The following GPT2 variants were observed in gnomAD, a reference collection of about 807,000 sequenced individuals.
GPT2 encodes alanine aminotransferase 2.
In GPT2, 30 loss-of-function variants were observed where a neutral mutation model predicts 56.9. That is an observed-to-expected ratio of 0.53 (90% CI 0.39 to 0.72). GPT2 has a LOEUF of 0.72. Ranked by LOEUF, GPT2 falls within the 30% of genes least tolerant of loss-of-function variation. The probability of loss-of-function intolerance (pLI) is 0.00; values close to 1 mark genes in which losing one functional copy is unlikely to be tolerated. For missense variants in GPT2, 542 were observed against 703.4 expected, an observed-to-expected ratio of 0.77 and a Z score of 2.60; for synonymous variants, 271 against 283.1, an observed-to-expected ratio of 0.96 and a Z score of 0.43.
chr16:46,897,191 A>T (rs371240294), intron 2 of GPT2, among the ~76,000 whole-genome samples: 13 of 152,340 alleles, frequency 8.5e-5, no homozygotes, highest in East Asian at 7.7e-4. Flanking sequence ...CCTGGCCAAC[A>T]CGTTGAAATC....
At chr16:46,910,380 CAAA>C (rs4039999) in intron 6 of GPT2, among the ~76,000 whole-genome samples, 14 of 46,476 alleles carry the variant, frequency 3.0e-4, no homozygotes, top group Admixed American at 2.2e-3. Flanking sequence ...GACTCTGTCT[CAAA>C]AAAAAAAAAA....
At chr16:46,885,748 G>A (rs1444093874) in intron 2 of GPT2, among the ~76,000 whole-genome samples, 2 of 152,066 alleles carry the variant, frequency 1.3e-5, no homozygotes, top group Non-Finnish European at 2.9e-5. Context: ...GGATGTCTGG[G>A]GTGGGTGATA....
intron 2 of GPT2, 147 bp from the exon 3 acceptor site, chr16:46,897,501 C>T: frequency 3.1e-6 from 2 of 647,112 alleles, no homozygotes; most frequent in Non-Finnish European, 5.5e-6. Flanking sequence ...TGAGACCAGG[C>T]ATGTCAAAGG....
rs1961506559 is a variant in GPT2, at chr16:46,929,987, T to G, written c.*990T>G. The stretch of plus-strand genomic sequence containing the variant: ...GCCGAGCAGCCAAGGCCCTGTCCTT[T>G]CTTGAATGGTGGCGAGCTGAATCTG... On this transcript the variant is annotated 3_prime_UTR_variant, in exon 12 of 12. Coordinates refer to ENST00000340124, the MANE Select transcript of GPT2 (RefSeq NM_133443.4). 6.5e-6 allele frequency: 1 copy of G among 152,806 alleles called. No homozygotes were observed. 9.5% of individuals were successfully genotyped at this position (152,806 alleles called of 1,614,324 possible).
chr16:46,884,813 C>G lies in GPT2; in HGVS notation c.98C>G (p.Ala33Gly). 6.5e-7 allele frequency: 1 copy of G among 1,528,926 alleles called. No homozygotes were observed. The highest frequency in any genetic ancestry group is 8.8e-7 in the Non-Finnish European group (1 of 1,138,400). The allele number at this position is 1,528,926 out of a possible 1,614,324, so 94.7% of individuals were successfully genotyped here. A position where few individuals can be genotyped will look rare whatever the true frequency, so the allele number is the denominator to read the frequency against. ...AGCAGCGCGGCCGCCGAGGCCTCGG[C>G]GGTGCTCAAGGTGCGGCCCGAGCGC... ...SQSSAAAEAS[A>G]VLKVRPERSR... The change falls in exon 2 of 12, where the codon GCG becomes GGG. Residue 33 changes from alanine to glycine, a missense_variant. Physicochemically the swap from Ala to Gly is moderately conservative, Grantham distance 60. Transcript: ENST00000340124.
chr16:46,895,331 C>T (rs1960665546), intron 2 of GPT2, among the ~76,000 whole-genome samples: 1 of 152,038 alleles, frequency 6.6e-6, no homozygotes, highest in Non-Finnish European at 1.5e-5. Flanking sequence ...TCAAGACCAG[C>T]TTGGGAAACA....
At chr16:46,927,107 G>A (rs1961433446) in intron 11 of GPT2, 70 bp downstream of exon 11, 3 of 946,906 alleles carry the variant, frequency 3.2e-6, no homozygotes, top group Non-Finnish European at 4.8e-6. Context: ...TCTTGACATG[G>A]AGCAGAGGAC....
At position 46,909,821 on chromosome 16, in the gene GPT2, G is replaced by C; in HGVS notation, c.714G>C (p.Glu238Asp). Residue 238 changes from glutamate to aspartate, a missense_variant, in exon 6 of 12, where the codon GAG (glutamate) becomes GAC (aspartate). Physicochemically the swap from Glu to Asp is conservative, Grantham distance 45 (BLOSUM62 2). Coordinates refer to ENST00000340124, the MANE Select transcript of GPT2 (RefSeq NM_133443.4). Reference protein sequence around the residue: ...AIQVNYYLDEENCWALNVNEL... With the variant: ...AIQVNYYLDEDNCWALNVNEL... ...AGGTGAATTACTACCTGGACGAGGAGAACTGCTGGGCGCTGAATGTGAATG... is the reference window on the plus strand; with the variant it reads ...AGGTGAATTACTACCTGGACGAGGACAACTGCTGGGCGCTGAATGTGAATG... 1 of 1,614,184 alleles carries C rather than the reference G, an allele frequency of 6.2e-7. No individual in the cohort carries two copies. The highest frequency in any genetic ancestry group is 8.5e-7 in the Non-Finnish European group (1 of 1,180,034).
At chr16:46,928,164 A>G (rs1031401698) in intron 11 of GPT2, among the ~76,000 whole-genome samples, 1 of 151,960 alleles carries the variant, frequency 6.6e-6, no homozygotes, top group Non-Finnish European at 1.5e-5. Context: ...GTCTCTACAA[A>G]AAATTGTTTA....
At chr16:46,924,612 T>C in intron 10 of GPT2, 68 bp downstream of exon 10, 1 of 1,551,492 alleles carries the variant, frequency 6.4e-7, no homozygotes, top group Non-Finnish European at 8.8e-7. Flanking sequence ...TGGGGGCCCC[T>C]GCTTATCTTG....
At chr16:46,895,497 T>C (rs1901391) in intron 2 of GPT2, among the ~76,000 whole-genome samples, 150,499 of 151,832 alleles carry the variant, frequency 0.99, 74,595 homozygotes, top group Middle Eastern at 1. Context: ...TGCACTCCAG[T>C]CTGGGTGACA....
intron 4 of GPT2, among the ~76,000 whole-genome samples, chr16:46,904,880 A>C (rs1378973572): frequency 6.6e-6 from 1 of 152,166 alleles, no homozygotes; most frequent in Non-Finnish European, 1.5e-5. Context: ...AATACTCCAA[A>C]TGTATTAGAA....
intron 6 of GPT2, among the ~76,000 whole-genome samples, chr16:46,914,158 T>G (rs1961097524): frequency 6.6e-6 from 1 of 152,188 alleles, no homozygotes; most frequent in Non-Finnish European, 1.5e-5. Context: ...CATTTCTACC[T>G]CGTTGCGTTT....
At chr16:46,903,893 G>C (rs1255162101) in intron 4 of GPT2, among the ~76,000 whole-genome samples, 3 of 152,242 alleles carry the variant, frequency 2.0e-5, no homozygotes, top group Admixed American at 2.0e-4. Flanking sequence ...ATCTCGGAGA[G>C]AGCTGCAGGA....
rs148800227 is a variant in GPT2 at position 46,900,766 on chromosome 16, C to A, written c.418C>A (p.Gln140Lys). The change falls in exon 4 of 12, where the codon CAG becomes AAG. Residue 140 changes from glutamine (Q) to lysine (K), a missense_variant. Gln to Lys is a moderately conservative substitution (Grantham distance 53). Coordinates refer to ENST00000340124, the MANE Select transcript of GPT2 (RefSeq NM_133443.4). ...DAKKRARRIL[Q>K]ACGGNSLGSY... ...TAAGAAACGTGCCCGGCGGATCCTG[C>A]AGGCTTGTGGCGGGAACAGCCTGGG... The A allele has an allele frequency of 7.6e-5, 122 of 1,614,094 alleles. 2 individuals are homozygous for A. In the African/African-American group the frequency reaches 1.6e-3, roughly 21 times the overall value.
intron 6 of GPT2, among the ~76,000 whole-genome samples, chr16:46,910,624 CTT>C (rs2143480677): frequency 6.6e-6 from 1 of 152,218 alleles, no homozygotes; most frequent in Admixed American, 6.5e-5. Flanking sequence ...GAGATTGGGT[CTT>C]ACTCTGTGGC....
At chr16:46,903,142 G>A (rs1567336677) in intron 4 of GPT2, among the ~76,000 whole-genome samples, 1 of 151,002 alleles carries the variant, frequency 6.6e-6, no homozygotes, top group South Asian at 2.1e-4. Flanking sequence ...CCAGCTACTT[G>A]GGAGACTGAG....
intron 7 of GPT2, among the ~76,000 whole-genome samples, chr16:46,917,723 T>A (rs1017733458): frequency 6.6e-6 from 1 of 151,688 alleles, no homozygotes; most frequent in Non-Finnish European, 1.5e-5. Flanking sequence ...CATACACACA[T>A]ATACATATGT....
Position 46,897,502 on chromosome 16 carries a change from A to G in GPT2, c.244-146A>G, listed in dbSNP as rs977159308. 1.1e-5 allele frequency: 7 copies of G among 652,126 alleles called. No individual in the cohort carries two copies. In the Admixed American group the frequency reaches 1.3e-4, roughly 12 times the overall value. 40.4% of individuals were successfully genotyped at this position (652,126 alleles called of 1,614,324 possible). A position where few individuals can be genotyped will look rare whatever the true frequency, so the allele number is the denominator to read the frequency against. On this transcript the variant is annotated intron_variant, in intron 2 of 11. Coordinates refer to ENST00000340124, the MANE Select transcript of GPT2 (RefSeq NM_133443.4). ...CTGTGAAGGTTAAATGAGACCAGGC[A>G]TGTCAAAGGCCTGGCACCAAGTCAG...
Sources: allele counts gnomAD v4.1 joint callset (sites outside exome capture counted in the v4.1 genomes callset), GRCh38; gene constraint gnomAD v4.1.1; transcripts MANE v1.5; gene names NCBI Gene and HGNC (gene_info 2026-07-23, HGNC 2026-07-21).